The following PTPRM variants were observed in gnomAD, a reference collection of about 807,000 sequenced individuals.
PTPRM encodes the protein protein tyrosine phosphatase receptor type M, also known as receptor-type tyrosine-protein phosphatase mu.
A neutral mutation model predicts 186.7 loss-of-function variants in PTPRM; 47 were observed. The ratio of observed to expected loss-of-function variants is 0.25; its 90% CI spans 0.20 to 0.32. The LOEUF is 0.32. Ranked by LOEUF, PTPRM falls within the 10% of genes least tolerant of loss-of-function variation. The pLI is 1.00. For synonymous variants in PTPRM, 668 were observed against 674.9 expected, an observed-to-expected ratio of 0.99 and a Z score of 0.16; for missense variants, 1,494 against 1,865.0, an observed-to-expected ratio of 0.80 and a Z score of 3.66.
At chr18:8,341,682 G>GCC (rs56361813) in intron 22 of PTPRM, among the ~76,000 whole-genome samples, 37,171 of 149,006 alleles carry the variant, frequency 0.25, 5,259 homozygotes, top group East Asian at 0.48. Flanking sequence ...ACCTAGTGAA[G>GCC]CCCCCCCCCC....
chr18:7,770,217 TGTTTC>T (rs1163448236), intron 1 of PTPRM, among the ~76,000 whole-genome samples: 3 of 152,184 alleles, frequency 2.0e-5, no homozygotes, highest in Admixed American at 2.0e-4. Context: ...CCTTTTACTG[TGTTTC>T]AGGGGACTTT....
At position 7,668,850 on chromosome 18, in the gene PTPRM, A is replaced by G. The variant is rs1216036440; in HGVS notation, c.73+100959A>G. Among the ~76,000 whole-genome samples, 1 of 151,954 alleles carries G rather than the reference A, an allele frequency of 6.6e-6. No individual in the cohort carries two copies. Among genetic ancestry groups the G allele is most frequent in the East Asian group, 1.9e-4 (1 of 5,144 alleles). On this transcript the variant is annotated intron_variant, in intron 1 of 32. Coordinates refer to ENST00000580170, the MANE Select transcript of PTPRM (RefSeq NM_001105244.2). The surrounding 1 kb of genome is among the most constrained non-coding windows in gnomAD (Gnocchi z 4.7). Reference sequence around the variant, plus strand: ...CTGCTTAGTCACCACCTTCTAGAATACTATATAATTTGTCTTTTAATTATC... The same window carrying G: ...CTGCTTAGTCACCACCTTCTAGAATGCTATATAATTTGTCTTTTAATTATC...
intron 4 of PTPRM, among the ~76,000 whole-genome samples, chr18:7,926,219 A>G (rs1052373477): frequency 6.6e-6 from 1 of 152,198 alleles, no homozygotes. Flanking sequence ...GTTTTTGTTC[A>G]AAACATCAAT....
chr18:7,892,274 G>A (rs2049120928), intron 3 of PTPRM, among the ~76,000 whole-genome samples: 1 of 152,224 alleles, frequency 6.6e-6, no homozygotes, highest in African/African-American at 2.4e-5. Context: ...GGCCTTGGCT[G>A]CAGTCAGACG....
chr18:8,196,630 G>C (rs1050872408), intron 14 of PTPRM, among the ~76,000 whole-genome samples: 2 of 152,158 alleles, frequency 1.3e-5, no homozygotes, highest in Non-Finnish European at 2.9e-5. Flanking sequence ...AATTCAACAC[G>C]AAGTCAGTTA....
intron 1 of PTPRM, among the ~76,000 whole-genome samples, chr18:7,584,848 T>A (rs1042121807): frequency 6.6e-6 from 1 of 152,252 alleles, no homozygotes; most frequent in African/African-American, 2.4e-5. Context: ...TACCCATTTA[T>A]AAGTCCTGTG....
At chr18:7,734,708 G>C (rs780516581) in intron 1 of PTPRM, among the ~76,000 whole-genome samples, 2 of 152,174 alleles carry the variant, frequency 1.3e-5, no homozygotes, top group Non-Finnish European at 2.9e-5. Flanking sequence ...TAGCATTAAT[G>C]TTCTAGGGGG....
chr18:7,816,567 T>A (rs915951019), intron 2 of PTPRM, among the ~76,000 whole-genome samples: 4 of 152,200 alleles, frequency 2.6e-5, no homozygotes, highest in African/African-American at 7.2e-5. Flanking sequence ...TCAATTTTTT[T>A]AATATTAAAT....
chr18:7,802,392 G>A (rs899209246), intron 2 of PTPRM, among the ~76,000 whole-genome samples: 3 of 152,118 alleles, frequency 2.0e-5, no homozygotes, highest in Admixed American at 2.0e-4. Context: ...TAAAGATGAT[G>A]CCACATCACC....
intron 5 of PTPRM, among the ~76,000 whole-genome samples, chr18:7,948,130 T>TAC (rs57918724): frequency 0.12 from 16,323 of 137,692 alleles, 898 homozygotes; most frequent in Admixed American, 0.14. Context: ...GATTATAAAA[T>TAC]ACACACACAC....
chr18:8,191,103 A>G (rs1464027533), intron 14 of PTPRM, among the ~76,000 whole-genome samples: 2 of 152,338 alleles, frequency 1.3e-5, no homozygotes, highest in African/African-American at 2.4e-5. Flanking sequence ...GGCACAGAGT[A>G]GGAAAGGGAA....
At chr18:7,592,615 C>T (rs2037156091) in intron 1 of PTPRM, among the ~76,000 whole-genome samples, 1 of 152,202 alleles carries the variant, frequency 6.6e-6, no homozygotes, top group Non-Finnish European at 1.5e-5. Flanking sequence ...GAAGAGGCTC[C>T]TCAGTTAACT....
intron 7 of PTPRM, among the ~76,000 whole-genome samples, chr18:8,064,775 G>A (rs1018119003): frequency 2.0e-5 from 3 of 152,136 alleles, no homozygotes; most frequent in African/African-American, 7.2e-5. Context: ...TAAAAACAAG[G>A]CCATGTACCC....
intron 1 of PTPRM, among the ~76,000 whole-genome samples, chr18:7,659,649 G>A (rs540394613): frequency 1.1e-3 from 162 of 152,232 alleles, no homozygotes; most frequent in Non-Finnish European, 1.8e-3. Flanking sequence ...CCTGCTTCCC[G>A]TCTTCCTAAT....
At chr18:8,074,778 T>C (rs1411459777) in intron 8 of PTPRM, among the ~76,000 whole-genome samples, 1 of 152,230 alleles carries the variant, frequency 6.6e-6, no homozygotes, top group Non-Finnish European at 1.5e-5. Flanking sequence ...GGTTTTAATA[T>C]TGTTACTTTT....
At chr18:8,347,581 G>T (rs1376881646) in intron 23 of PTPRM, among the ~76,000 whole-genome samples, 1 of 152,208 alleles carries the variant, frequency 6.6e-6, no homozygotes. Flanking sequence ...CTATGCAGTG[G>T]TGGTCGCTGT....
intron 14 of PTPRM, among the ~76,000 whole-genome samples, chr18:8,206,268 A>ATTTTATTTTATTTTTATTTTTTTTTTTT (rs1238112461): frequency 1.3e-5 from 2 of 148,986 alleles, no homozygotes; most frequent in African/African-American, 5.2e-5. Context: ...ATTTTATTTT[A>ATTTTATTTTATTTTTATTTTTTTTTTTT]TTTTGAGACG....
At chr18:8,285,642 G>A (rs529280643) in intron 19 of PTPRM, among the ~76,000 whole-genome samples, 38 of 152,304 alleles carry the variant, frequency 2.5e-4, no homozygotes, top group African/African-American at 7.7e-4. Context: ...TGGATTGGAT[G>A]CTATTCCTTC....
chr18:7,875,273 G>A (rs1412977664), intron 2 of PTPRM, among the ~76,000 whole-genome samples: 3 of 151,808 alleles, frequency 2.0e-5, no homozygotes, highest in Admixed American at 1.3e-4. Flanking sequence ...ACTGTATTAT[G>A]GTGTATCCTA....
Sources: allele counts gnomAD v4.1 joint callset (sites outside exome capture counted in the v4.1 genomes callset), GRCh38; gene constraint gnomAD v4.1.1; non-coding constraint Gnocchi (gnomAD v3.1); transcripts MANE v1.5; gene names NCBI Gene and HGNC (gene_info 2026-07-23, HGNC 2026-07-21).